MATN2: variants seen among roughly 807,000 people sequenced by gnomAD.
MATN2 encodes matrilin 2.
In MATN2, 69 loss-of-function variants were observed where a neutral mutation model predicts 103.2. The ratio of observed to expected loss-of-function variants is 0.67; its 90% CI spans 0.55 to 0.82. MATN2 has a LOEUF of 0.82. Ranked by LOEUF, MATN2 falls within the 40% of genes least tolerant of loss-of-function variation. The pLI, the probability that MATN2 is intolerant of heterozygous loss-of-function variation, is 0.00. For missense variants in MATN2, 1,023 were observed against 1,211.5 expected, an observed-to-expected ratio of 0.84 and a Z score of 2.31; for synonymous variants, 429 against 450.2, an observed-to-expected ratio of 0.95 and a Z score of 0.60.
At chr8:97,900,996 T>A (rs1250699007) in intron 2 of MATN2, among the ~76,000 whole-genome samples, 1 of 152,132 alleles carries the variant, frequency 6.6e-6, no homozygotes, top group East Asian at 1.9e-4. Flanking sequence ...TTAGGCCCAG[T>A]GAAAGATGAG....
intron 13 of MATN2, among the ~76,000 whole-genome samples, chr8:98,022,700 A>T (rs1303722531): frequency 6.6e-6 from 1 of 151,176 alleles, no homozygotes; most frequent in African/African-American, 2.4e-5. Flanking sequence ...CTACCAGGGA[A>T]GCTGCATGCC....
intron 6 of MATN2, among the ~76,000 whole-genome samples, chr8:97,984,443 A>G (rs554712395): frequency 1.0e-3 from 159 of 152,340 alleles, no homozygotes; most frequent in Non-Finnish European, 1.8e-3. Flanking sequence ...TCTAAATTTT[A>G]ATAGGCATTT....
chr8:97,872,792 G>T (rs1817939458), intron 1 of MATN2, among the ~76,000 whole-genome samples: 1 of 148,060 alleles, frequency 6.8e-6, no homozygotes, highest in African/African-American at 2.6e-5. Context: ...CATCTCCAAA[G>T]TCCCCCCGTT....
chr8:97,901,252 A>AC (rs1818971117), intron 2 of MATN2, among the ~76,000 whole-genome samples: 1 of 150,540 alleles, frequency 6.6e-6, no homozygotes. Context: ...ATTCTGATAC[A>AC]CTTTTTTTTT....
At chr8:97,874,656 C>A (rs912307574) in intron 1 of MATN2, among the ~76,000 whole-genome samples, 2 of 152,138 alleles carry the variant, frequency 1.3e-5, no homozygotes, top group East Asian at 3.9e-4. Context: ...CTCAAGCAAT[C>A]CTCCTGCCTT....
intron 4 of MATN2, among the ~76,000 whole-genome samples, chr8:97,955,927 C>G (rs1377131203): frequency 2.0e-5 from 3 of 152,218 alleles, no homozygotes. Flanking sequence ...GTGTCCATAG[C>G]TGGGGGCTGG....
chr8:97,923,074 G>A (rs1467972665), intron 2 of MATN2, among the ~76,000 whole-genome samples: 1 of 152,028 alleles, frequency 6.6e-6, no homozygotes, highest in African/African-American at 2.4e-5. Flanking sequence ...ACAGAGTTCC[G>A]TGGATCCTCT....
chr8:98,034,442 G>T, intron 18 of MATN2: 1 of 271,210 alleles, frequency 3.7e-6, no homozygotes, highest in Non-Finnish European at 7.8e-6. Flanking sequence ...GTGCCAATGG[G>T]CTTATGTAAT....
intron 7 of MATN2, among the ~76,000 whole-genome samples, chr8:97,996,991 G>C (rs1478400507): frequency 1.3e-5 from 2 of 152,236 alleles, no homozygotes; most frequent in African/African-American, 2.4e-5. Flanking sequence ...TCCTACTGAA[G>C]AAAAGATTCT....
intron 8 of MATN2, among the ~76,000 whole-genome samples, chr8:98,006,177 G>A (rs777192631): frequency 6.6e-6 from 1 of 152,240 alleles, no homozygotes; most frequent in African/African-American, 2.4e-5. Flanking sequence ...CGGATGCCAG[G>A]ATAGGCCACA....
intron 3 of MATN2, among the ~76,000 whole-genome samples, chr8:97,941,576 T>C (rs1318800454): frequency 1.8e-4 from 28 of 152,214 alleles, no homozygotes; most frequent in Admixed American, 1.8e-3. Flanking sequence ...TAACACTGTT[T>C]CTCTTTGATT....
chr8:97,987,926 G>A (rs1812249775), intron 6 of MATN2, among the ~76,000 whole-genome samples: 1 of 151,648 alleles, frequency 6.6e-6, no homozygotes, highest in South Asian at 2.1e-4. Context: ...ATTGATAAAT[G>A]TCTAACCAGA....
chr8:97,894,779 C>A (rs1818752774), intron 2 of MATN2, among the ~76,000 whole-genome samples: 1 of 152,098 alleles, frequency 6.6e-6, no homozygotes, highest in African/African-American at 2.4e-5. Context: ...CCTAAGTGAG[C>A]AATGTGAAGT....
chr8:97,878,190 A>T (rs867873084), intron 1 of MATN2, among the ~76,000 whole-genome samples: 1 of 152,222 alleles, frequency 6.6e-6, no homozygotes, highest in Admixed American at 6.5e-5. Context: ...ATACATTATT[A>T]TAAGTAGATA....
intron 5 of MATN2, 151 bp from the exon 6 acceptor site, chr8:97,978,735 A>G: frequency 2.8e-6 from 2 of 702,326 alleles, no homozygotes; most frequent in Non-Finnish European, 4.8e-6. Flanking sequence ...TGAGGGGGGC[A>G]GAGACCTTGG....
At chr8:97,994,654 A>G in intron 7 of MATN2, 52 bp downstream of exon 7, 1 of 1,569,760 alleles carries the variant, frequency 6.4e-7, no homozygotes, top group Non-Finnish European at 8.6e-7. Context: ...ATGCTCCTCT[A>G]GTTAGTTTTC....
intron 15 of MATN2, 143 bp from the exon 16 acceptor site, chr8:98,032,103 G>T: frequency 1.6e-6 from 1 of 622,392 alleles, no homozygotes. Context: ...CTGCTTTTTT[G>T]AATCTTTGGT....
At chr8:97,925,129 A>G (rs188084408) in intron 2 of MATN2, among the ~76,000 whole-genome samples, 5 of 152,280 alleles carry the variant, frequency 3.3e-5, no homozygotes, top group African/African-American at 1.2e-4. Flanking sequence ...AAAAAGGGAA[A>G]TGATGTACAG....
chr8:98,028,393 C>T (rs998979134), intron 14 of MATN2, among the ~76,000 whole-genome samples: 14 of 152,084 alleles, frequency 9.2e-5, no homozygotes, highest in African/African-American at 3.1e-4. Context: ...TCAGTAAAGC[C>T]CAGCCTCTTC....
Sources: gnomAD v4.1 joint callset for allele counts (sites outside exome capture counted in the v4.1 genomes callset) on GRCh38, gnomAD v4.1.1 for gene constraint, MANE v1.5 for transcripts, NCBI Gene and HGNC (gene_info 2026-07-23, HGNC 2026-07-21) for gene names.